WDR87: variants seen among roughly 807,000 people sequenced by gnomAD.
WDR87 encodes WD repeat domain 87, also known as WD repeat-containing protein 87.
Under a neutral mutation model 83.3 loss-of-function variants are expected in WDR87, and 56 were observed. The ratio of observed to expected loss-of-function variants is 0.67; its 90% confidence interval spans 0.54 to 0.84. WDR87 has a LOEUF of 0.84. WDR87 is among the 40% of genes least tolerant of loss of function. The pLI is 0.00. For missense variants in WDR87, 2,939 were observed against 3,431.9 expected (o/e 0.86, Z 3.59); for synonymous variants, 1,173 against 1,250.6 (o/e 0.94, Z 1.31).
At position 37,893,702 on chromosome 19, in the gene WDR87, C is replaced by G; in HGVS notation, c.2001G>C (p.Gln667His). The change falls in exon 4 of 6, where the codon CAG (glutamine) becomes CAC (histidine). Residue 667 changes from glutamine (Q) to histidine (H), a missense_variant. Transcript: ENST00000447313. ...DRGDLLVTFN[Q>H]SLYLVSCLKL... Reference sequence around the variant, plus strand: ...TTAAACAGGACACTAGGTAAAGACTCTGGTTAAAAGTCACAAGCAGGTCAC... The same window carrying G: ...TTAAACAGGACACTAGGTAAAGACTGTGGTTAAAAGTCACAAGCAGGTCAC... 6.4e-7 allele frequency: 1 copy of G among 1,551,852 alleles called. No homozygotes were observed. Among genetic ancestry groups the G allele is most frequent in the Non-Finnish European group, 8.7e-7 (1 of 1,147,062 alleles).
Position 37,888,573 on chromosome 19 carries a change from T to C in WDR87, c.5098A>G (p.Lys1700Glu). 6.4e-7 allele frequency: 1 copy of C among 1,551,866 alleles called. No individual in the cohort carries two copies. Among genetic ancestry groups the C allele is most frequent in the Non-Finnish European group, 8.7e-7 (1 of 1,147,020 alleles). The change falls in exon 6 of 6, where the codon AAA (lysine) becomes GAA (glutamate). Residue 1700 changes from lysine to glutamate, a missense_variant. By Grantham distance (56) the Lys-to-Glu change is moderately conservative. Transcript: ENST00000447313. ...CATTTCTTGGCCAGTTTCTTCCTTTTCTGGGCCAATTTCTCCGCCTCCTGG... is the reference window on the plus strand; with the variant it reads ...CATTTCTTGGCCAGTTTCTTCCTTTCCTGGGCCAATTTCTCCGCCTCCTGG... ...LSQEAEKLAQ[K>E]RKKLAKKWEK...
At position 37,890,120 on chromosome 19, in the gene WDR87, C is replaced by T. The variant is rs983045188; in HGVS notation, c.3551G>A (p.Ser1184Asn). 9.7e-6 allele frequency: 15 copies of T among 1,551,894 alleles called. No homozygotes were observed. The highest frequency in any genetic ancestry group is 1.2e-5 in the Non-Finnish European group (14 of 1,147,066). ...SVYSQWSSSTSVIKLSKDVDS... is the reference protein window; with the variant it reads ...SVYSQWSSSTNVIKLSKDVDS... ...AACATCTTTTGAGAGCTTTATTACACTGGTGCTTGAAGACCATTGGGAATA... is the reference window on the plus strand; with the variant it reads ...AACATCTTTTGAGAGCTTTATTACATTGGTGCTTGAAGACCATTGGGAATA... Residue 1184 changes from serine (S) to asparagine (N), a missense_variant, in exon 6 of 6, where the codon AGT (serine) becomes AAT (asparagine). By Grantham distance (46) the Ser-to-Asn change is conservative. Coordinates refer to ENST00000447313, the MANE Select transcript of WDR87 (RefSeq NM_001291088.2).
chr19:37,893,150 C>T lies in WDR87; in HGVS notation c.2553G>A (p.Arg851=). 6.4e-7 allele frequency: 1 copy of T among 1,551,942 alleles called. No individual in the cohort carries two copies. Among genetic ancestry groups the T allele is most frequent in the Non-Finnish European group, 8.7e-7 (1 of 1,147,054 alleles). The change falls in exon 4 of 6, where the codon CGG becomes CGA. Residue 851 remains arginine, a synonymous_variant. Transcript: ENST00000447313. ...CTTGAGACCTGTCCCATTCCAGCTC[C>T]CGCTGGGGTGCATGCAGGTTGCACT... ...YLQCNLHAPQ[R]ELEWDRSQEF...
chr19:37,886,970 C>G lies in WDR87; in HGVS notation c.6701G>C (p.Arg2234Pro). The change falls in exon 6 of 6, where the codon CGA becomes CCA. Residue 2234 changes from arginine (R) to proline (P), a missense_variant. Transcript: ENST00000447313. ...GGCCTCTTTCCTCTTTCTCCACCTT[C>G]GTTTAAGGAATGGGATTACCTCTTC... ...EEEEVIPFLK[R>P]RWRKRKEAKR... is the part of the protein sequence containing the mutation. 1 of 1,552,084 alleles carries G rather than the reference C, an allele frequency of 6.4e-7. No homozygotes were observed. The highest frequency in any genetic ancestry group is 1.2e-5 in the South Asian group (1 of 83,998).
chr19:37,887,236 A>G lies in WDR87; in HGVS notation c.6435T>C (p.Val2145=). The G allele has an allele frequency of 6.4e-7, 1 of 1,551,728 alleles. No homozygotes were observed. The highest frequency in any genetic ancestry group is 8.7e-7 in the Non-Finnish European group (1 of 1,146,970). Residue 2145 remains valine, a synonymous_variant, in exon 6 of 6, where the codon GTT becomes GTC. Transcript: ENST00000447313. The part of the protein sequence containing the change: ...KMTKMKRALF[V]KERRLSIEQS... ...GTTCTATACTCAACCTGCGCTCCTT[A>G]ACAAAGAGTGCCCTCTTCATCTTTG...
Position 37,893,649 on chromosome 19 carries a change from C to G in WDR87, c.2054G>C (p.Arg685Pro). 2 of 1,552,124 alleles carry G rather than the reference C, an allele frequency of 1.3e-6. No individual in the cohort carries two copies. The highest frequency in any genetic ancestry group is 1.7e-6 in the Non-Finnish European group (2 of 1,147,092). Residue 685 changes from arginine to proline, a missense_variant, in exon 4 of 6, where the codon CGC becomes CCC. Arg to Pro is a moderately radical substitution (Grantham distance 103). Around this residue, in one of 3 missense-constraint regions of WDR87, gnomAD observed 553 missense variants for 577.9 expected, o/e 0.96. Coordinates refer to ENST00000447313, the MANE Select transcript of WDR87 (RefSeq NM_001291088.2). Reference sequence around the variant, plus strand: ...ATCTGATATGCTCATAAAGGAAAGGCGAGTCAGCAGGGCTGGGGGAAGCAA... The same window carrying G: ...ATCTGATATGCTCATAAAGGAAAGGGGAGTCAGCAGGGCTGGGGGAAGCAA... Reference protein sequence around the residue: ...LKLLPPALLTRLSFMSISDEV... With the variant: ...LKLLPPALLTPLSFMSISDEV...
intron 4 of WDR87, 124 bp downstream of exon 4, chr19:37,892,454 G>T: frequency 3.2e-6 from 3 of 929,972 alleles, no homozygotes; most frequent in South Asian, 1.9e-5. Context: ...ATCTAGGCGT[G>T]AGCAAAGGCT....
Position 37,893,298 on chromosome 19 carries a change from G to A in WDR87, c.2405C>T (p.Pro802Leu). The A allele has an allele frequency of 6.4e-7, 1 of 1,551,492 alleles. No homozygotes were observed. The highest frequency in any genetic ancestry group is 8.7e-7 in the Non-Finnish European group (1 of 1,146,862). ...LQLTSWDGLN[P>L]YQILRYYFGH... ...AAAGTAGTATCGCAATATCTGATAG[G>A]GGTTGAGTCCATCCCAGCTAGTCAG... Residue 802 changes from proline to leucine, a missense_variant, in exon 4 of 6, where the codon CCC becomes CTC. Around this residue, in one of 3 missense-constraint regions of WDR87, gnomAD observed 2,160 missense variants for 2,533.1 expected, o/e 0.85. Transcript: ENST00000447313.
In WDR87 at chr19:37,896,253, A is replaced by G. The variant is rs951916573; in HGVS notation, c.131T>C (p.Val44Ala). Residue 44 changes from valine (V) to alanine (A), a missense_variant, in exon 3 of 6, where the codon GTA (valine) becomes GCA (alanine). Physicochemically the swap from Val to Ala is moderately conservative, Grantham distance 64. Coordinates refer to ENST00000447313, the MANE Select transcript of WDR87 (RefSeq NM_001291088.2). ...CLIVLSDRSQVLFKESRYPQN... is the reference protein window; with the variant it reads ...CLIVLSDRSQALFKESRYPQN... ...AGGATAGCGAGACTCTTTGAACAGT[A>G]CCTGGGACCGGTCACTCAGCACAAT... 6 of 1,551,942 alleles carry G rather than the reference A, an allele frequency of 3.9e-6. No individual in the cohort carries two copies. The Admixed American group carries it at 5.9e-5, about 15-fold the overall frequency.
chr19:37,886,789 CTCT>C lies in WDR87; in HGVS notation c.6879_6881del (p.Glu2295del). The C allele has an allele frequency of 6.5e-7, 1 of 1,543,304 alleles. No individual in the cohort carries two copies. Reference sequence around the variant, plus strand: ...CCCTTTCCTCCTCCTCCTCCCTTTCCTCTTCTTCCTCCCTTTCCTCCTCCTCCT... The same window carrying C: ...CCCTTTCCTCCTCCTCCTCCCTTTCCTCTTCCTCCCTTTCCTCCTCCTCCT... On this transcript the variant is annotated inframe_deletion, in exon 6 of 6. Transcript: ENST00000447313.
In WDR87 at chr19:37,889,641, G is replaced by A. The variant is rs1348454279; in HGVS notation, c.4030C>T (p.Leu1344Phe). 1 of 1,551,706 alleles carries A rather than the reference G, an allele frequency of 6.4e-7. No homozygotes were observed. Among genetic ancestry groups the A allele is most frequent in the East Asian group, 2.4e-5 (1 of 40,902 alleles). ...KKESKVLLED[L>F]DWDVVPPEKK... ...TCTGGCGGGACTACATCCCAATCAA[G>A]GTCCTCAAGCAGAACCTTACTTTCT... Residue 1344 changes from leucine (L) to phenylalanine (F), a missense_variant, in exon 6 of 6, where the codon CTT becomes TTT. Physicochemically the swap from Leu to Phe is conservative, Grantham distance 22. This residue lies in a region of WDR87 where 2,160 missense variants were observed against 2,533.1 expected (regional missense o/e 0.85). Transcript: ENST00000447313.
chr19:37,885,080 A>G lies in WDR87; in HGVS notation c.8591T>C (p.Val2864Ala). Residue 2864 changes from valine (V) to alanine (A), a missense_variant, in exon 6 of 6, where the codon GTA becomes GCA. By Grantham distance (64) the Val-to-Ala change is moderately conservative. Transcript: ENST00000447313. ...CACACAGTTCTGCCATGGGAGGGGT[A>G]CCGCACCCTGGAACTCCTGAGGACT... ...PRSPQEFQGA[V>A]PLPWQNCVRT... The G allele has an allele frequency of 6.8e-7, 1 of 1,470,354 alleles. No individual in the cohort carries two copies. The highest frequency in any genetic ancestry group is 9.0e-7 in the Non-Finnish European group (1 of 1,109,978). 91.1% of individuals were successfully genotyped at this position (1,470,354 alleles called of 1,614,324 possible).
Position 37,888,807 on chromosome 19 carries a change from G to A in WDR87, c.4864C>T (p.Arg1622Ter), listed in dbSNP as rs189704315. 1.6e-3 allele frequency: 2,423 copies of A among 1,550,986 alleles called. 2 individuals carry two copies. The highest frequency in any genetic ancestry group is 2.0e-3 in the Non-Finnish European group (2,252 of 1,146,830). ...KWARIHRKRA[R>*]AEKKRAQEER... ...TCTTGGGCTCGTTTTTTTTCAGCTCGGGCTCGTTTCCTGTGTATTCTGGCC... is the reference window on the plus strand; with the variant it reads ...TCTTGGGCTCGTTTTTTTTCAGCTCAGGCTCGTTTCCTGTGTATTCTGGCC... The change falls in exon 6 of 6, where the codon CGA (arginine) becomes TGA (stop). Residue 1622 changes from arginine (R) to a stop codon, truncating the protein, a stop_gained. Coordinates refer to ENST00000447313, the MANE Select transcript of WDR87 (RefSeq NM_001291088.2). LOFTEE classifies it low-confidence loss of function (END_TRUNC).
At chr19:37,892,087 C>T (rs748696994) in intron 4 of WDR87, among the ~76,000 whole-genome samples, 1 of 152,072 alleles carries the variant, frequency 6.6e-6, no homozygotes, top group Non-Finnish European at 1.5e-5. Flanking sequence ...ATAGGAAAAG[C>T]AATGGAGAAA....
Position 37,894,905 on chromosome 19 carries a change from T to G in WDR87, c.798A>C (p.Gln266His), listed in dbSNP as rs2046240824. 1 of 1,551,712 alleles carries G rather than the reference T, an allele frequency of 6.4e-7. No homozygotes were observed. The highest frequency in any genetic ancestry group is 8.7e-7 in the Non-Finnish European group (1 of 1,146,990). The change falls in exon 4 of 6, where the codon CAA (glutamine) becomes CAC (histidine). Residue 266 changes from glutamine (Q) to histidine (H), a missense_variant. By Grantham distance (24) the Gln-to-His change is conservative (BLOSUM62 0). Coordinates refer to ENST00000447313, the MANE Select transcript of WDR87 (RefSeq NM_001291088.2). ...GATGGCCCTGCTGGAGGCTCCAAAC[T>G]TGGATTTCCCCAGCTTGGTTTCCAG... Reference protein sequence around the residue: ...LYAGNQAGEIQVWSLQQGHPL... With the variant: ...LYAGNQAGEIHVWSLQQGHPL...
Position 37,887,169 on chromosome 19 carries a change from GT to G in WDR87, c.6501del (p.Lys2167AsnfsTer5). The stretch of plus-strand genomic sequence containing the variant: ...TTCTCATCTTTAGTCAGTTCTGATC[GT>G]TTTTCAGAAAAATCCCACTCTTTGA... ...LDIKEWDFSE[K>X]RSELTKDEKK... is the part of the protein sequence containing the mutation. On this transcript the variant is annotated frameshift_variant, in exon 6 of 6. Coordinates refer to ENST00000447313, the MANE Select transcript of WDR87 (RefSeq NM_001291088.2). LOFTEE classifies it low-confidence loss of function (END_TRUNC). 1.3e-6 allele frequency: 2 copies of G among 1,551,208 alleles called. No individual in the cohort carries two copies. Among genetic ancestry groups the G allele is most frequent in the African/African-American group, 1.4e-5 (1 of 73,036 alleles).
intron 5 of WDR87, 100 bp downstream of exon 5, chr19:37,891,452 A>G: frequency 7.0e-7 from 1 of 1,424,560 alleles, no homozygotes; most frequent in Admixed American, 2.4e-5. Context: ...ATGAGCCATC[A>G]TGTCCCGCCA....
chr19:37,903,071 G>T (rs1192792612), intron 1 of WDR87, among the ~76,000 whole-genome samples: 2 of 152,160 alleles, frequency 1.3e-5, no homozygotes, highest in African/African-American at 4.8e-5. Context: ...TACATATAAC[G>T]AGGAGACCTG....
In WDR87 at chr19:37,888,812, C is replaced by T. The variant is rs746570223; in HGVS notation, c.4859G>A (p.Arg1620Gln). The T allele has an allele frequency of 3.4e-5, 53 of 1,551,522 alleles. No individual in the cohort carries two copies. The highest frequency in any genetic ancestry group is 9.6e-5 in the African/African-American group (7 of 72,946). ...GGCTCGTTTTTTTTCAGCTCGGGCTCGTTTCCTGTGTATTCTGGCCCATTT... is the reference window on the plus strand; with the variant it reads ...GGCTCGTTTTTTTTCAGCTCGGGCTTGTTTCCTGTGTATTCTGGCCCATTT... ...EHKWARIHRK[R>Q]ARAEKKRAQE... Residue 1620 changes from arginine (R) to glutamine (Q), a missense_variant, in exon 6 of 6, where the codon CGA becomes CAA. Arg to Gln is a conservative substitution (Grantham distance 43). Around this residue, in one of 3 missense-constraint regions of WDR87, gnomAD observed 2,160 missense variants for 2,533.1 expected, o/e 0.85. Transcript: ENST00000447313.
Sources: gnomAD v4.1 joint callset for allele counts (sites outside exome capture counted in the v4.1 genomes callset) on GRCh38, gnomAD v4.1.1 for gene constraint, gnomAD v4.1.1 regional missense constraint, MANE v1.5 for transcripts, NCBI Gene and HGNC (gene_info 2026-07-23, HGNC 2026-07-21) for gene names.